The following SPEG variants were observed in gnomAD, a reference collection of about 807,000 sequenced individuals.
SPEG encodes the protein striated muscle preferentially expressed protein kinase.
A neutral mutation model predicts 300.4 loss-of-function variants in SPEG; 114 were observed. The ratio of observed to expected loss-of-function variants is 0.38; its 90% CI spans 0.33 to 0.44. The LOEUF is 0.44. SPEG is among the 20% of genes least tolerant of loss of function. SPEG has a pLI of 1.00. For synonymous variants in SPEG, 1,964 were observed against 2,018.9 expected (o/e 0.97, Z 0.73); for missense variants, 4,201 against 4,586.2 (o/e 0.92, Z 2.43).
chr2:219,490,035 G>C lies in SPEG; in HGVS notation c.8921+96G>C, dbSNP rs6742231. 0.34 allele frequency: 483,936 copies of C among 1,413,768 alleles called. 84,043 individuals are homozygous for C. Among genetic ancestry groups the C allele is most frequent in the South Asian group, 0.49 (34,071 of 69,790 alleles). 87.6% of individuals were successfully genotyped at this position (1,413,768 alleles called of 1,614,324 possible). A position where few individuals can be genotyped will look rare whatever the true frequency, so the allele number is the denominator to read the frequency against. ...GAGAAGACCAGACTGTCCTGGCTGG[G>C]GTGGGGGGAGGTGCTGAGACCTGGG... On this transcript the variant is annotated intron_variant, in intron 36 of 40. Transcript: ENST00000312358.
chr2:219,486,438 A>G (rs1399217606), intron 31 of SPEG, among the ~76,000 whole-genome samples: 1 of 151,946 alleles, frequency 6.6e-6, no homozygotes, highest in East Asian at 1.9e-4. Context: ...CTGGGCTTAT[A>G]GGGATTGTGT....
At position 219,448,990 on chromosome 2, in the gene SPEG, T is replaced by A; in HGVS notation, c.1832T>A (p.Val611Glu). Residue 611 changes from valine (V) to glutamate (E), a missense_variant, in exon 4 of 41, where the codon GTG (valine) becomes GAG (glutamate). Physicochemically the swap from Val to Glu is moderately radical, Grantham distance 121. Coordinates refer to ENST00000312358, the MANE Select transcript of SPEG (RefSeq NM_005876.5). ...SRAIQECRSP[V>E]PPPAADPPEA... ...GCCATCCAGGAGTGCAGGAGCCCTG[T>A]GCCGCCCCCCGCCGCCGATCCCCCA... 1 of 1,492,840 alleles carries A rather than the reference T, an allele frequency of 6.7e-7. No individual in the cohort carries two copies. The allele number at this position is 1,492,840 out of a possible 1,614,324, so 92.5% of individuals were successfully genotyped here. A position where few individuals can be genotyped will look rare whatever the true frequency, so the allele number is the denominator to read the frequency against.
chr2:219,447,903 C>T, intron 3 of SPEG, 71 bp from the exon 4 acceptor site: 1 of 1,446,582 alleles, frequency 6.9e-7, no homozygotes, highest in South Asian at 1.2e-5. Flanking sequence ...CACCCAATTC[C>T]TGTCACAAGC....
Position 219,473,613 on chromosome 2 carries a change from G to A in SPEG, c.4257G>A (p.Gln1419=). ...VTVTFNHVEA[Q]VVWRSCRGAL... is the part of the protein sequence containing the mutation. ...TCACATTCAACCATGTGGAGGCCCA[G>A]GTCGTCTGGAGGAGGTGGGCCCCTT... Residue 1419 remains glutamine (Q), a synonymous_variant, in exon 17 of 41, where the codon CAG becomes CAA. Coordinates refer to ENST00000312358, the MANE Select transcript of SPEG (RefSeq NM_005876.5). This position sits in a 1 kb window ranked among gnomAD's most constrained non-coding sequence, Gnocchi z 4.6. 1 of 1,614,210 alleles carries A rather than the reference G, an allele frequency of 6.2e-7. No individual in the cohort carries two copies. The highest frequency in any genetic ancestry group is 8.5e-7 in the Non-Finnish European group (1 of 1,180,032).
At chr2:219,466,459 C>A in intron 9 of SPEG, 1 of 1,204,526 alleles carries the variant, frequency 8.3e-7, no homozygotes, top group South Asian at 2.3e-5. Flanking sequence ...GGAAGGATGC[C>A]TCGGAGCTGA....
At chr2:219,455,079 G>A (rs566795271) in intron 6 of SPEG, among the ~76,000 whole-genome samples, 1 of 152,332 alleles carries the variant, frequency 6.6e-6, no homozygotes, top group South Asian at 2.1e-4. Context: ...GGGTGATAAA[G>A]TGAGACTCTG....
chr2:219,490,522 A>G lies in SPEG; in HGVS notation c.9035A>G (p.Glu3012Gly). 2.5e-6 allele frequency: 4 copies of G among 1,612,866 alleles called. No individual in the cohort carries two copies. Among genetic ancestry groups the G allele is most frequent in the Non-Finnish European group, 3.4e-6 (4 of 1,179,992 alleles). ...AAGCGGCGGGTCCTGCAGGAGTACG[A>G]GGTGCTGCGGACCCTGCACCACGAG... Reference protein sequence around the residue: ...EGKRRVLQEYEVLRTLHHERI... With the variant: ...EGKRRVLQEYGVLRTLHHERI... The change falls in exon 37 of 41, where the codon GAG becomes GGG. Residue 3012 changes from glutamate to glycine, a missense_variant. Physicochemically the swap from Glu to Gly is moderately conservative, Grantham distance 98 (BLOSUM62 -2). This residue lies in a region of SPEG where 318 missense variants were observed against 429.5 expected (regional missense o/e 0.74). Coordinates refer to ENST00000312358, the MANE Select transcript of SPEG (RefSeq NM_005876.5).
chr2:219,469,649 A>T (rs1462612306), intron 13 of SPEG, among the ~76,000 whole-genome samples: 3 of 152,178 alleles, frequency 2.0e-5, no homozygotes, highest in African/African-American at 7.2e-5. Flanking sequence ...CGGGCCCATG[A>T]GCAAGTTACA....
Position 219,476,920 on chromosome 2 carries a change from G to A in SPEG, c.4498G>A (p.Glu1500Lys), listed in dbSNP as rs1486570936. Residue 1500 changes from glutamate to lysine, a missense_variant, in exon 19 of 41, where the codon GAA becomes AAA. Coordinates refer to ENST00000312358, the MANE Select transcript of SPEG (RefSeq NM_005876.5). ...IMEDVEVGAG[E>K]TARFAVVVEG... ...GGAGGACGTGGAGGTGGGGGCTGGG[G>A]AAACTGCTCGCTTTGCGGTGGTGGT... 4 of 1,613,694 alleles carry A rather than the reference G, an allele frequency of 2.5e-6. No individual in the cohort carries two copies. Among genetic ancestry groups the A allele is most frequent in the Non-Finnish European group, 3.4e-6 (4 of 1,179,910 alleles).
In SPEG at chr2:219,448,000, G is replaced by GGGA; in HGVS notation, c.847_849dup (p.Glu283dup). On this transcript the variant is annotated inframe_insertion, in exon 4 of 41. Transcript: ENST00000312358. ...AGCGTCCCTCAGAGCGGGTTGCGCA[G>GGGA]GGAGGAGCCCGACCTTCAGCCTCAA... The GGGA allele has an allele frequency of 6.2e-7, 1 of 1,612,564 alleles. No individual in the cohort carries two copies. The highest frequency in any genetic ancestry group is 8.5e-7 in the Non-Finnish European group (1 of 1,179,904).
chr2:219,474,378 CAAAAA>C (rs35320747), intron 18 of SPEG: 8 of 98,934 alleles, frequency 8.1e-5, no homozygotes, highest in South Asian at 3.0e-4. Context: ...AACTCTGTCT[CAAAAA>C]AAAAAAAAAA....
chr2:219,473,196 T>C lies in SPEG; in HGVS notation c.4147+100T>C. ...CAAGGGATGGCCTGGACATGGTAAC[T>C]GGCAGGAGCAGCCTAGCCGGGCGGG... On this transcript the variant is annotated intron_variant, in intron 16 of 40. Coordinates refer to ENST00000312358, the MANE Select transcript of SPEG (RefSeq NM_005876.5). This position sits in a 1 kb window ranked among gnomAD's most constrained non-coding sequence, Gnocchi z 4.6. 8.3e-7 allele frequency: 1 copy of C among 1,205,506 alleles called. No homozygotes were observed. Among genetic ancestry groups the C allele is most frequent in the Non-Finnish European group, 1.2e-6 (1 of 857,264 alleles). 74.7% of individuals were successfully genotyped at this position (1,205,506 alleles called of 1,614,324 possible).
At position 219,490,746 on chromosome 2, in the gene SPEG, G is replaced by A. The variant is rs1193073565; in HGVS notation, c.9175G>A (p.Glu3059Lys). 1 of 1,614,104 alleles carries A rather than the reference G, an allele frequency of 6.2e-7. No individual in the cohort carries two copies. Residue 3059 changes from glutamate (E) to lysine (K), a missense_variant, in exon 38 of 41, where the codon GAG becomes AAG. Physicochemically the swap from Glu to Lys is moderately conservative, Grantham distance 56. Transcript: ENST00000312358. ...CGLSDRFRYS[E>K]DDVATYMVQL... Reference sequence around the variant, plus strand: ...CTGCCCTCCCAGGTTCCGGTATTCTGAGGATGACGTGGCCACTTACATGGT... The same window carrying A: ...CTGCCCTCCCAGGTTCCGGTATTCTAAGGATGACGTGGCCACTTACATGGT...
At chr2:219,462,537 C>A in intron 8 of SPEG, 151 bp downstream of exon 8, 1 of 632,956 alleles carries the variant, frequency 1.6e-6, no homozygotes. Flanking sequence ...AGTGTACTCC[C>A]CCCGGCACCC....
rs1191450435 is a variant in SPEG at position 219,468,687 on chromosome 2, C to G, written c.3252C>G (p.Asp1084Glu). 6.2e-7 allele frequency: 1 copy of G among 1,614,180 alleles called. No homozygotes were observed. The change falls in exon 11 of 41, where the codon GAC (aspartate) becomes GAG (glutamate). Residue 1084 changes from aspartate to glutamate, a missense_variant. Asp to Glu is a conservative substitution (Grantham distance 45, BLOSUM62 2). Coordinates refer to ENST00000312358, the MANE Select transcript of SPEG (RefSeq NM_005876.5). ...EVLEGRAARF[D>E]CKISGTPPPV... ...TGGAGGGCCGAGCTGCCCGTTTCGA[C>G]TGCAAGATCAGTGGCACCCCGCCCC...
In SPEG at chr2:219,448,481, G is replaced by C. The variant is rs1689488101; in HGVS notation, c.1323G>C (p.Ser441=). The C allele has an allele frequency of 1.4e-6, 2 of 1,468,608 alleles. No individual in the cohort carries two copies. Among genetic ancestry groups the C allele is most frequent in the Non-Finnish European group, 1.8e-6 (2 of 1,119,070 alleles). 91.0% of individuals were successfully genotyped at this position (1,468,608 alleles called of 1,614,324 possible). Residue 441 remains serine, a synonymous_variant, in exon 4 of 41, where the codon TCG becomes TCC. Transcript: ENST00000312358. ...CCCGCTCTCTGGAGCAGCCCAAGTC[G>C]GAGCGCGGCGCACCGTGGGGCACCC... ...RKARSLEQPK[S]ERGAPWGTPG...
intron 3 of SPEG, among the ~76,000 whole-genome samples, chr2:219,447,132 C>G (rs1249259926): frequency 2.6e-5 from 4 of 152,196 alleles, no homozygotes; most frequent in Non-Finnish European, 5.9e-5. Context: ...GGCTCCTTCC[C>G]TCCTCCTTTT....
chr2:219,490,588 A>T lies in SPEG; in HGVS notation c.9101A>T (p.Tyr3034Phe). ...CACGAGGCCTACATCACCCCTCGGTACCTCGTGCTCATTGCTGAGAGCTGT... is the reference window on the plus strand; with the variant it reads ...CACGAGGCCTACATCACCCCTCGGTTCCTCGTGCTCATTGCTGAGAGCTGT... Reference protein sequence around the residue: ...SLHEAYITPRYLVLIAESCGN... With the variant: ...SLHEAYITPRFLVLIAESCGN... The change falls in exon 37 of 41, where the codon TAC becomes TTC. Residue 3034 changes from tyrosine to phenylalanine, a missense_variant. By Grantham distance (22) the Tyr-to-Phe change is conservative (BLOSUM62 3). Around this residue, in one of 4 missense-constraint regions of SPEG, gnomAD observed 318 missense variants for 429.5 expected, o/e 0.74. Transcript: ENST00000312358. 1 of 1,613,806 alleles carries T rather than the reference A, an allele frequency of 6.2e-7. No homozygotes were observed. Among genetic ancestry groups the T allele is most frequent in the African/African-American group, 1.3e-5 (1 of 75,020 alleles).
At position 219,477,724 on chromosome 2, in the gene SPEG, G is replaced by A; in HGVS notation, c.4765G>A (p.Asp1589Asn). The change falls in exon 21 of 41, where the codon GAT (aspartate) becomes AAT (asparagine). Residue 1589 changes from aspartate to asparagine, a missense_variant. This residue lies in a region of SPEG where 1,047 missense variants were observed against 1,356.8 expected (regional missense o/e 0.77). Transcript: ENST00000312358. The surrounding 1 kb of genome is among the most constrained non-coding windows in gnomAD (Gnocchi z 6.4). ...TATGGAGGTCGAGGGGGTCGGGGAGGATGAGGACCATCGAGGAAGGAGACT... is the reference window on the plus strand; with the variant it reads ...TATGGAGGTCGAGGGGGTCGGGGAGAATGAGGACCATCGAGGAAGGAGACT... ...TAMEVEGVGE[D>N]EDHRGRRLSD... 1.2e-6 allele frequency: 2 copies of A among 1,607,326 alleles called. No individual in the cohort carries two copies. The highest frequency in any genetic ancestry group is 1.1e-5 in the South Asian group (1 of 89,974).
Sources: allele counts gnomAD v4.1 joint callset (sites outside exome capture counted in the v4.1 genomes callset), GRCh38; gene constraint gnomAD v4.1.1; regional missense constraint gnomAD v4.1.1; non-coding constraint Gnocchi (gnomAD v3.1); transcripts MANE v1.5; gene names NCBI Gene and HGNC (gene_info 2026-07-23, HGNC 2026-07-21).